PAN3: variants seen among roughly 807,000 people sequenced by gnomAD.
The protein encoded by PAN3 is poly(A) specific ribonuclease subunit PAN3, also known as PAN2-PAN3 deadenylation complex subunit PAN3.
Under a neutral mutation model 96.2 loss-of-function variants are expected in PAN3, and 19 were observed. That is an observed-to-expected ratio of 0.20 (90% CI 0.14 to 0.29). The LOEUF (loss-of-function observed/expected upper bound fraction) is 0.29. Ranked by LOEUF, PAN3 falls within the 10% of genes least tolerant of loss-of-function variation. PAN3 has a pLI of 1.00. For missense variants in PAN3, 882 were observed against 1,108.1 expected (o/e 0.80, Z 2.90); for synonymous variants, 433 against 406.6 (o/e 1.06, Z -0.78).
intron 6 of PAN3, among the ~76,000 whole-genome samples, chr13:28,223,817 T>C (rs1881674095): frequency 6.6e-6 from 1 of 151,778 alleles, no homozygotes; most frequent in African/African-American, 2.4e-5. Flanking sequence ...GTTATGAATG[T>C]GCTTAATATA....
chr13:28,268,098 G>C (rs553659358), intron 12 of PAN3, among the ~76,000 whole-genome samples: 1 of 152,080 alleles, frequency 6.6e-6, no homozygotes, highest in East Asian at 1.9e-4. Context: ...AAGGTGACTT[G>C]GAAAATTCAA....
intron 5 of PAN3, among the ~76,000 whole-genome samples, chr13:28,209,585 T>A (rs1018668836): frequency 7.2e-5 from 11 of 152,196 alleles, no homozygotes; most frequent in African/African-American, 2.7e-4. Flanking sequence ...GGTAGATATT[T>A]TACTTATTTC....
chr13:28,288,104 A>T lies in PAN3; in HGVS notation c.2505A>T (p.Ile835=). 4 of 1,605,196 alleles carry T rather than the reference A, an allele frequency of 2.5e-6. No homozygotes were observed. Among genetic ancestry groups the T allele is most frequent in the Non-Finnish European group, 3.4e-6 (4 of 1,177,492 alleles). The change falls in exon 18 of 19, where the codon ATA becomes ATT. Residue 835 remains isoleucine (I), a synonymous_variant. Coordinates refer to ENST00000380958, the MANE Select transcript of PAN3 (RefSeq NM_175854.8). The part of the protein sequence containing the change: ...AGAPWIDLSH[I]ISCLNKLDAG... ...CTCCCTGGATTGACCTCAGTCATAT[A>T]ATTTCTTGTCTTAACAAGGTAATTT...
rs1405245571 is a variant in PAN3, at chr13:28,265,513, G to A, written c.1412-1202G>A. On this transcript the variant is annotated intron_variant, in intron 9 of 18. Coordinates refer to ENST00000380958, the MANE Select transcript of PAN3 (RefSeq NM_175854.8). ...CATCCTACCTTTCTCTCTCAGCTAT[G>A]CAATCCTTATTATCCTCATTTATGA... Among the ~76,000 whole-genome samples the A allele has an allele frequency of 3.3e-5, 5 of 152,258 alleles. No individual in the cohort carries two copies. In the East Asian group the frequency reaches 7.7e-4, roughly 23 times the overall value.
intron 5 of PAN3, among the ~76,000 whole-genome samples, chr13:28,211,279 T>C (rs1453955954): frequency 1.3e-5 from 2 of 152,126 alleles, no homozygotes; most frequent in African/African-American, 4.8e-5. Flanking sequence ...TCTTTCTCAT[T>C]ATTAGTACCC....
chr13:28,177,963 C>G, intron 4 of PAN3, 28 bp downstream of exon 4: 1 of 1,567,088 alleles, frequency 6.4e-7, no homozygotes, highest in Non-Finnish European at 8.8e-7. Flanking sequence ...TTGAATTAAA[C>G]TAAATGGAAT....
chr13:28,289,868 C>T (rs754704056), intron 18 of PAN3, among the ~76,000 whole-genome samples: 2 of 151,646 alleles, frequency 1.3e-5, no homozygotes, highest in Non-Finnish European at 2.9e-5. Flanking sequence ...GCCGATAGAG[C>T]GAGACTCCGT....
At chr13:28,282,294 T>G (rs1887537742) in intron 17 of PAN3, among the ~76,000 whole-genome samples, 1 of 151,972 alleles carries the variant, frequency 6.6e-6, no homozygotes, top group Admixed American at 6.6e-5. Flanking sequence ...ATGTTTGATT[T>G]GTTAATAGAG....
chr13:28,238,325 T>C (rs1329592309), intron 6 of PAN3, among the ~76,000 whole-genome samples: 2 of 152,234 alleles, frequency 1.3e-5, no homozygotes, highest in African/African-American at 4.8e-5. Flanking sequence ...GTTTAGCTCA[T>C]TGGTGCTTAA....
At chr13:28,247,151 G>T (rs1053622268) in intron 6 of PAN3, among the ~76,000 whole-genome samples, 7 of 151,758 alleles carry the variant, frequency 4.6e-5, no homozygotes, top group South Asian at 2.1e-4. Context: ...GTTTTGATTT[G>T]CATTTCCCTG....
intron 6 of PAN3, among the ~76,000 whole-genome samples, chr13:28,252,048 C>T (rs540772429): frequency 3.4e-4 from 52 of 151,928 alleles, no homozygotes; most frequent in African/African-American, 1.2e-3. Flanking sequence ...CCACCACACC[C>T]AGCTAAATTT....
At chr13:28,194,122 G>A (rs984752785) in intron 4 of PAN3, among the ~76,000 whole-genome samples, 12 of 149,828 alleles carry the variant, frequency 8.0e-5, no homozygotes, top group Non-Finnish European at 1.3e-4. Context: ...ATACCACTGC[G>A]CTCCAGCCTG....
chr13:28,215,716 A>G (rs1189263104), intron 5 of PAN3: 33 of 1,497,488 alleles, frequency 2.2e-5, no homozygotes, highest in Non-Finnish European at 3.0e-5. Flanking sequence ...GCCATTGTTG[A>G]TATAGTTCCT....
At chr13:28,173,528 A>G (rs548481253) in intron 1 of PAN3, among the ~76,000 whole-genome samples, 1 of 152,216 alleles carries the variant, frequency 6.6e-6, no homozygotes, top group Non-Finnish European at 1.5e-5. Flanking sequence ...TTGTTTTCCA[A>G]AGAGACCCAA....
intron 6 of PAN3, among the ~76,000 whole-genome samples, chr13:28,227,002 C>T (rs1053653496): frequency 1.3e-5 from 2 of 152,028 alleles, no homozygotes; most frequent in Admixed American, 1.3e-4. Flanking sequence ...TGAAGTGGAC[C>T]TTTTAATTGC....
intron 1 of PAN3, among the ~76,000 whole-genome samples, chr13:28,167,141 A>G (rs558960120): frequency 2.3e-4 from 32 of 139,752 alleles, no homozygotes; most frequent in Non-Finnish European, 2.6e-4. Flanking sequence ...AGGCTGGTCA[A>G]TCTCCTTATC....
intron 7 of PAN3, among the ~76,000 whole-genome samples, chr13:28,259,173 G>C (rs532238822): frequency 6.6e-6 from 1 of 151,746 alleles, no homozygotes; most frequent in South Asian, 2.1e-4. Flanking sequence ...TGTCCCCCAG[G>C]CTGGAGTGCA....
chr13:28,249,574 G>T (rs952874995), intron 6 of PAN3, among the ~76,000 whole-genome samples: 1 of 151,594 alleles, frequency 6.6e-6, no homozygotes, highest in East Asian at 1.9e-4. Context: ...TCAGCCTCCC[G>T]AGTAGCTGGG....
intron 12 of PAN3, among the ~76,000 whole-genome samples, chr13:28,269,972 A>C (rs1203908004): frequency 1.3e-5 from 2 of 152,162 alleles, no homozygotes; most frequent in African/African-American, 2.4e-5. Context: ...TCATGCTTGC[A>C]ATCTCAGCAC....
Sources: allele counts gnomAD v4.1 joint callset (sites outside exome capture counted in the v4.1 genomes callset), GRCh38; gene constraint gnomAD v4.1.1; transcripts MANE v1.5; gene names NCBI Gene and HGNC (gene_info 2026-07-23, HGNC 2026-07-21).